Variants in ZFYVE9 observed in about 807,000 individuals in gnomAD.
ZFYVE9 encodes zinc finger FYVE domain-containing protein 9.
ZFYVE9 carries 43 observed loss-of-function variants against 126.7 expected under a neutral mutation model. The observed-to-expected ratio is 0.34, with a 90% CI of 0.27 to 0.44. The LOEUF is 0.44. ZFYVE9 is among the 20% of genes least tolerant of loss of function. The pLI, the probability that ZFYVE9 is intolerant of heterozygous loss-of-function variation, is 1.00. For missense variants in ZFYVE9, 1,476 were observed against 1,697.0 expected (o/e 0.87, Z 2.29); for synonymous variants, 521 against 597.4 (o/e 0.87, Z 1.87).
Position 52,224,725 on chromosome 1 carries a change from T to C in ZFYVE9, c.-37+8251T>C, listed in dbSNP as rs931642930. On this transcript the variant is annotated intron_variant, in intron 2 of 18. Coordinates refer to ENST00000287727, the MANE Select transcript of ZFYVE9 (RefSeq NM_004799.4). ...CCTTCCAGTATTTTAACATAAGGCATAGGGGACTGTCAGGGGGAATTTTAT... is the reference window on the plus strand; with the variant it reads ...CCTTCCAGTATTTTAACATAAGGCACAGGGGACTGTCAGGGGGAATTTTAT... 3.4e-4 allele frequency among the ~76,000 whole-genome samples: 51 copies of C among 152,204 alleles called. 2 individuals carry two copies. The highest frequency in any genetic ancestry group is 1.7e-3 in the Admixed American group (26 of 15,278).
chr1:52,165,767 A>G (rs923189984), intron 1 of ZFYVE9, among the ~76,000 whole-genome samples: 4 of 152,212 alleles, frequency 2.6e-5, no homozygotes, highest in African/African-American at 4.8e-5. Flanking sequence ...GTTCAATTCA[A>G]TAGTGATCAG....
chr1:52,184,415 T>C (rs1644745265), intron 1 of ZFYVE9, among the ~76,000 whole-genome samples: 1 of 142,496 alleles, frequency 7.0e-6, no homozygotes, highest in Admixed American at 7.0e-5. Context: ...TTTTTTTTTT[T>C]GGTATTTTTT....
At position 52,337,994 on chromosome 1, in the gene ZFYVE9, G is replaced by C. The variant is rs1569784071; in HGVS notation, c.3833+60G>C. ...AGTTATAGGTTAGGCTCTGGGTTTT[G>C]TCTGCTGTCTACATTGGTGTTTTAT... On this transcript the variant is annotated intron_variant, in intron 16 of 18. Transcript: ENST00000287727. 1.9e-5 allele frequency: 29 copies of C among 1,549,984 alleles called. No individual in the cohort carries two copies. The East Asian group carries it at 6.8e-4, about 36-fold the overall frequency.
chr1:52,207,030 C>T (rs1031476688), intron 1 of ZFYVE9, among the ~76,000 whole-genome samples: 1 of 152,166 alleles, frequency 6.6e-6, no homozygotes, highest in African/African-American at 2.4e-5. Flanking sequence ...TACTCAGTTC[C>T]ATTCAAATGC....
At chr1:52,284,711 G>A (rs377767227) in intron 10 of ZFYVE9, among the ~76,000 whole-genome samples, 8 of 152,058 alleles carry the variant, frequency 5.3e-5, no homozygotes, top group East Asian at 1.9e-4. Flanking sequence ...GAGCCACCGC[G>A]CCCAGCAATG....
intron 1 of ZFYVE9, among the ~76,000 whole-genome samples, chr1:52,188,999 A>G (rs1292640502): frequency 1.3e-5 from 2 of 151,996 alleles, no homozygotes; most frequent in Admixed American, 6.6e-5. Flanking sequence ...GTGCAGTGGC[A>G]TGATCTCGGC....
At position 52,158,906 on chromosome 1, in the gene ZFYVE9, C is replaced by T. The variant is rs182607259; in HGVS notation, c.-143+16503C>T. Among the ~76,000 whole-genome samples, 193 of 152,094 alleles carry T rather than the reference C, an allele frequency of 1.3e-3. 6 individuals carry two copies. The East Asian group carries it at 0.029, about 23-fold the overall frequency. On this transcript the variant is annotated intron_variant, in intron 1 of 18. Coordinates refer to ENST00000287727, the MANE Select transcript of ZFYVE9 (RefSeq NM_004799.4). ...CTCCCAGGTTCACGCCATTCTCCTG[C>T]CTCAGCCTCCTGAGCAGCTGGGACT...
chr1:52,158,285 G>A (rs777053983), intron 1 of ZFYVE9, among the ~76,000 whole-genome samples: 22 of 152,160 alleles, frequency 1.4e-4, no homozygotes, highest in Non-Finnish European at 2.9e-4. Flanking sequence ...TTCTTTTGGG[G>A]ATTATAGTCT....
chr1:52,215,187 C>T (rs115291393), intron 1 of ZFYVE9, among the ~76,000 whole-genome samples: 1 of 152,006 alleles, frequency 6.6e-6, no homozygotes, highest in Admixed American at 6.6e-5. Context: ...GGAGTGGTTA[C>T]TTTACTTTCA....
chr1:52,263,107 T>G (rs1376279294), intron 4 of ZFYVE9, among the ~76,000 whole-genome samples: 1 of 138,584 alleles, frequency 7.2e-6, no homozygotes, highest in Non-Finnish European at 1.6e-5. Flanking sequence ...AGAAAAGAAA[T>G]CTTAACAGGA....
intron 2 of ZFYVE9, among the ~76,000 whole-genome samples, chr1:52,231,367 A>C (rs548008596): frequency 6.6e-6 from 1 of 151,922 alleles, no homozygotes; most frequent in African/African-American, 2.4e-5. Flanking sequence ...AAAATACAAA[A>C]ATTAGCCAGG....
intron 2 of ZFYVE9, among the ~76,000 whole-genome samples, chr1:52,232,080 A>G (rs991716423): frequency 6.6e-6 from 1 of 152,206 alleles, no homozygotes; most frequent in African/African-American, 2.4e-5. Flanking sequence ...TTTGACTTAA[A>G]GTTTACAAAG....
At chr1:52,255,879 G>C (rs1645502552) in intron 4 of ZFYVE9, among the ~76,000 whole-genome samples, 1 of 149,282 alleles carries the variant, frequency 6.7e-6, no homozygotes. Flanking sequence ...TTAATTCATT[G>C]AGTTTGAGCT....
rs891544973 is a variant in ZFYVE9, at chr1:52,197,598, CA to C, written c.-142-18762del. On this transcript the variant is annotated intron_variant, in intron 1 of 18. Transcript: ENST00000287727. Reference sequence around the variant, plus strand: ...AGGGATGAAGATGAGAGATAGATGTCAAAAAAAAATAGAAGAAAGTAAGAAT... The same window carrying C: ...AGGGATGAAGATGAGAGATAGATGTCAAAAAAAATAGAAGAAAGTAAGAAT... 5.0e-3 allele frequency among the ~76,000 whole-genome samples: 479 copies of C among 95,434 alleles called. 4 individuals carry two copies. Among genetic ancestry groups the C allele is most frequent in the African/African-American group, 0.013 (424 of 31,944 alleles). The allele number at this position is 95,434 out of a possible 152,430, so 62.6% of individuals were successfully genotyped here.
chr1:52,260,654 T>C (rs912721076), intron 4 of ZFYVE9, among the ~76,000 whole-genome samples: 1 of 151,924 alleles, frequency 6.6e-6, no homozygotes, highest in African/African-American at 2.4e-5. Flanking sequence ...CCATCTCTAC[T>C]AAAAATACAA....
chr1:52,189,358 T>C (rs1444899742), intron 1 of ZFYVE9, among the ~76,000 whole-genome samples: 3 of 152,028 alleles, frequency 2.0e-5, no homozygotes, highest in Non-Finnish European at 4.4e-5. Context: ...TGCCTCAGCC[T>C]CCCAAGTAGC....
At chr1:52,170,869 G>A (rs922780528) in intron 1 of ZFYVE9, among the ~76,000 whole-genome samples, 8 of 152,044 alleles carry the variant, frequency 5.3e-5, no homozygotes, top group East Asian at 1.9e-4. Flanking sequence ...TTTTGTGACC[G>A]AACATATGGT....
intron 7 of ZFYVE9, among the ~76,000 whole-genome samples, chr1:52,270,463 A>C (rs1443212814): frequency 6.6e-6 from 1 of 152,048 alleles, no homozygotes; most frequent in East Asian, 1.9e-4. Context: ...ATGGGGTTTC[A>C]CGATGTTAGC....
At chr1:52,188,655 A>T (rs1490732192) in intron 1 of ZFYVE9, among the ~76,000 whole-genome samples, 2 of 152,140 alleles carry the variant, frequency 1.3e-5, no homozygotes, top group Non-Finnish European at 2.9e-5. Context: ...CTGGCTGCTA[A>T]TTTTTCTATC....
Sources: allele counts gnomAD v4.1 joint callset (sites outside exome capture counted in the v4.1 genomes callset), GRCh38; gene constraint gnomAD v4.1.1; transcripts MANE v1.5; gene names NCBI Gene and HGNC (gene_info 2026-07-23, HGNC 2026-07-21).